The following ZMIZ1 variants were observed in gnomAD, a reference collection of about 807,000 sequenced individuals.
ZMIZ1 encodes the protein zinc finger MIZ-type containing 1, also known as zinc finger MIZ domain-containing protein 1.
In ZMIZ1, 17 loss-of-function variants were observed where a neutral mutation model predicts 113.9. The observed-to-expected ratio is 0.15, with a 90% confidence interval of 0.10 to 0.22. The LOEUF is 0.22. ZMIZ1 is among the 10% of genes least tolerant of loss of function. ZMIZ1 has a pLI of 1.00. For missense variants in ZMIZ1, 1,059 were observed against 1,477.8 expected (o/e 0.72, Z 4.65); for synonymous variants, 607 against 603.1 (o/e 1.01, Z -0.09).
intron 5 of ZMIZ1, 66 bp from the exon 6 acceptor site, chr10:79,208,270 C>A: frequency 3.5e-6 from 5 of 1,431,154 alleles, no homozygotes; most frequent in Non-Finnish European, 4.9e-6. Context: ...CACCCCAGAC[C>A]CCCACACGCT....
intron 7 of ZMIZ1, among the ~76,000 whole-genome samples, chr10:79,267,913 G>C (rs1410489579): frequency 1.3e-5 from 2 of 152,052 alleles, no homozygotes; most frequent in East Asian, 3.9e-4. Flanking sequence ...GCACTCTCCC[G>C]CCCCTCCCAA....
intron 1 of ZMIZ1, among the ~76,000 whole-genome samples, chr10:79,111,973 T>C (rs576508131): frequency 6.6e-6 from 1 of 152,266 alleles, no homozygotes; most frequent in South Asian, 2.1e-4. Context: ...AGAGTAGGAC[T>C]TGGTTGGGCT....
intron 4 of ZMIZ1, among the ~76,000 whole-genome samples, chr10:79,199,956 C>G (rs1156405814): frequency 6.6e-6 from 1 of 152,202 alleles, no homozygotes; most frequent in Admixed American, 6.5e-5. Context: ...GACAGGCAGA[C>G]AGGCAGGCAG....
chr10:79,203,833 A>C (rs575455062), intron 5 of ZMIZ1, among the ~76,000 whole-genome samples: 1 of 152,258 alleles, frequency 6.6e-6, no homozygotes, highest in East Asian at 1.9e-4. Context: ...TAATTAATTC[A>C]CATTCAACCA....
chr10:79,105,696 T>G (rs1843530421), intron 1 of ZMIZ1, among the ~76,000 whole-genome samples: 1 of 152,198 alleles, frequency 6.6e-6, no homozygotes, highest in Non-Finnish European at 1.5e-5. Flanking sequence ...TTGTATTTGT[T>G]TTTGTGTTTA....
chr10:79,176,604 T>C (rs950022241), intron 4 of ZMIZ1, among the ~76,000 whole-genome samples: 9 of 152,072 alleles, frequency 5.9e-5, no homozygotes, highest in African/African-American at 2.2e-4. Context: ...CATTGCTCAG[T>C]TTACCGAGAA....
At chr10:79,210,113 G>T (rs951787959) in intron 6 of ZMIZ1, among the ~76,000 whole-genome samples, 15 of 152,238 alleles carry the variant, frequency 9.9e-5, no homozygotes, top group Non-Finnish European at 1.9e-4. Context: ...AGCCATGTGG[G>T]CAGGGACAGA....
intron 14 of ZMIZ1, among the ~76,000 whole-genome samples, 178 bp from the exon 15 acceptor site, chr10:79,298,228 A>G (rs1221145209): frequency 6.6e-6 from 1 of 152,118 alleles, no homozygotes; most frequent in Non-Finnish European, 1.5e-5. Context: ...GGCCCTTCCC[A>G]GGGCTGTCTT....
At chr10:79,302,047 C>A in intron 17 of ZMIZ1, 60 bp from the exon 18 acceptor site, 1 of 1,563,944 alleles carries the variant, frequency 6.4e-7, no homozygotes. Flanking sequence ...GCTGAGGCTG[C>A]AGGCAGGGCG....
intron 1 of ZMIZ1, among the ~76,000 whole-genome samples, chr10:79,082,995 C>T (rs926223128): frequency 6.6e-6 from 1 of 152,250 alleles, no homozygotes; most frequent in East Asian, 1.9e-4. Context: ...ATTCCTTTGT[C>T]AAGTTTATCA....
intron 7 of ZMIZ1, 97 bp from the exon 8 acceptor site, chr10:79,277,084 C>G (rs1272581116): frequency 7.1e-7 from 1 of 1,401,230 alleles, no homozygotes; most frequent in East Asian, 2.7e-5. Context: ...GCAAAACCAG[C>G]ATGGATAGCA....
chr10:79,273,042 C>T (rs1852047649), intron 7 of ZMIZ1, among the ~76,000 whole-genome samples: 1 of 152,202 alleles, frequency 6.6e-6, no homozygotes, highest in South Asian at 2.1e-4. Context: ...AGCTCAGCAC[C>T]TGCTTGATAA....
At chr10:79,265,761 CA>C (rs1851563753) in intron 7 of ZMIZ1, among the ~76,000 whole-genome samples, 2 of 152,162 alleles carry the variant, frequency 1.3e-5, no homozygotes, top group Admixed American at 1.3e-4. Context: ...AGCCCCTCAG[CA>C]GCCCCAGCAG....
intron 7 of ZMIZ1, among the ~76,000 whole-genome samples, chr10:79,268,373 C>T (rs950044663): frequency 1.3e-5 from 2 of 152,238 alleles, no homozygotes; most frequent in Non-Finnish European, 2.9e-5. Flanking sequence ...CCTTTCAGAA[C>T]CCTGTTTCTG....
chr10:79,127,237 A>T (rs1269204035), intron 2 of ZMIZ1, among the ~76,000 whole-genome samples: 1 of 152,118 alleles, frequency 6.6e-6, no homozygotes, highest in Non-Finnish European at 1.5e-5. Context: ...TGCCCTCTCC[A>T]GGTGTGGCTC....
At chr10:79,167,836 C>A (rs1846421666) in intron 4 of ZMIZ1, among the ~76,000 whole-genome samples, 1 of 152,196 alleles carries the variant, frequency 6.6e-6, no homozygotes, top group Admixed American at 6.5e-5. Flanking sequence ...TGCCCTCCAG[C>A]CCCTCCCACA....
At chr10:79,299,284 G>C in intron 16 of ZMIZ1, 93 bp downstream of exon 16, 1 of 1,492,690 alleles carries the variant, frequency 6.7e-7, no homozygotes, top group Non-Finnish European at 8.9e-7. Context: ...TGGGCAGGGG[G>C]TAGCAGCATC....
intron 8 of ZMIZ1, among the ~76,000 whole-genome samples, chr10:79,286,009 G>A (rs1853052305): frequency 6.6e-6 from 1 of 152,244 alleles, no homozygotes. Context: ...TTCTGTGGGT[G>A]GAGCAGGATT....
chr10:79,070,794 T>A (rs1337984), intron 1 of ZMIZ1, among the ~76,000 whole-genome samples: 2 of 151,770 alleles, frequency 1.3e-5, no homozygotes, highest in African/African-American at 2.4e-5. Context: ...GCTTCCTGGG[T>A]AGGCAGTGCC....
Sources: allele counts gnomAD v4.1 joint callset (sites outside exome capture counted in the v4.1 genomes callset), GRCh38; gene constraint gnomAD v4.1.1; transcripts MANE v1.5; gene names NCBI Gene and HGNC (gene_info 2026-07-23, HGNC 2026-07-21).